TNPO1: variants seen among roughly 807,000 people sequenced by gnomAD.
The protein encoded by TNPO1 is transportin-1.
In TNPO1, 8 loss-of-function variants were observed where a neutral mutation model predicts 119.5. That is an observed-to-expected ratio of 0.07 (90% confidence interval 0.04 to 0.12). The LOEUF (loss-of-function observed/expected upper bound fraction) is 0.12, where lower values mean the gene tolerates loss of function less well. TNPO1 is among the 10% of genes least tolerant of loss of function. TNPO1 has a pLI of 1.00. For synonymous variants in TNPO1, 362 were observed against 363.0 expected, an observed-to-expected ratio of 1.00 and a Z score of 0.03; for missense variants, 576 against 1,089.8, an observed-to-expected ratio of 0.53 and a Z score of 6.64.
intron 1 of TNPO1, 128 bp downstream of exon 1, chr5:72,816,880 G>C: frequency 8.2e-7 from 1 of 1,221,912 alleles, no homozygotes; most frequent in Non-Finnish European, 1.1e-6. Flanking sequence ...CTGCCCGGCC[G>C]TTTGAAGCCG....
rs1256604901 is a variant in TNPO1 at position 72,872,740 on chromosome 5, C to G, written c.678+20C>G. Reference sequence around the variant, plus strand: ...ATTGAGGTAAGACTTGTTCTTGTCTCCCTCCCAACCCCCCAGCTTTTTTTT... The same window carrying G: ...ATTGAGGTAAGACTTGTTCTTGTCTGCCTCCCAACCCCCCAGCTTTTTTTT... On this transcript the variant is annotated intron_variant, in intron 7 of 24. Transcript: ENST00000337273. 4 of 1,541,018 alleles carry G rather than the reference C, an allele frequency of 2.6e-6. No individual in the cohort carries two copies. The East Asian group carries it at 9.1e-5, about 35-fold the overall frequency.
intron 6 of TNPO1, among the ~76,000 whole-genome samples, chr5:72,870,451 C>G (rs771118493): frequency 2.0e-5 from 3 of 151,948 alleles, no homozygotes; most frequent in Non-Finnish European, 4.4e-5. Flanking sequence ...CGTGAGCCAC[C>G]GTGCCCAGCC....
chr5:72,901,187 C>A (rs1007772601), intron 22 of TNPO1, 114 bp downstream of exon 22: 1 of 605,642 alleles, frequency 1.7e-6, no homozygotes, highest in Non-Finnish European at 2.7e-6. Flanking sequence ...TATCAAAATA[C>A]AGTTAAACCT....
At chr5:72,861,154 A>T (rs995664993) in intron 4 of TNPO1, among the ~76,000 whole-genome samples, 2 of 151,712 alleles carry the variant, frequency 1.3e-5, no homozygotes, top group African/African-American at 4.8e-5. Flanking sequence ...CATGTGATCC[A>T]CCCACCTCGG....
intron 12 of TNPO1, among the ~76,000 whole-genome samples, chr5:72,887,508 G>A (rs1748736423): frequency 6.6e-6 from 1 of 152,088 alleles, no homozygotes; most frequent in Non-Finnish European, 1.5e-5. Context: ...TTAACATGGC[G>A]AAACCACGTC....
At position 72,883,078 on chromosome 5, in the gene TNPO1, A is replaced by C. The variant is rs1358772105; in HGVS notation, c.996A>C (p.Glu332Asp). The part of the protein sequence containing the change: ...DIILLKGDVE[E>D]DETIPDSEQD... ...AAAAACAACAGGGTGATGTTGAAGA[A>C]GACGAAACGATTCCTGATAGTGAAC... The change falls in exon 11 of 25, where the codon GAA becomes GAC. Residue 332 changes from glutamate to aspartate, a missense_variant. Physicochemically the swap from Glu to Asp is conservative, Grantham distance 45. This residue lies in a region of TNPO1 where 310 missense variants were observed against 583.0 expected (regional missense o/e 0.53). Coordinates refer to ENST00000337273, the MANE Select transcript of TNPO1 (RefSeq NM_002270.4). 7 of 1,612,506 alleles carry C rather than the reference A, an allele frequency of 4.3e-6. No homozygotes were observed. Among genetic ancestry groups the C allele is most frequent in the Non-Finnish European group, 5.9e-6 (7 of 1,179,584 alleles).
At chr5:72,897,263 T>C in intron 20 of TNPO1, 112 bp downstream of exon 20, 1 of 671,962 alleles carries the variant, frequency 1.5e-6, no homozygotes, top group Non-Finnish European at 2.5e-6. Flanking sequence ...TTATTTTGTA[T>C]TTAATTGCTA....
At chr5:72,899,964 G>T in intron 20 of TNPO1, 42 bp from the exon 21 acceptor site, 1 of 1,547,288 alleles carries the variant, frequency 6.5e-7, no homozygotes, top group Non-Finnish European at 8.9e-7. Context: ...TCATGTCTTG[G>T]TTGGCGTTTG....
chr5:72,840,487 G>A (rs1263556516), intron 1 of TNPO1, among the ~76,000 whole-genome samples: 1 of 152,090 alleles, frequency 6.6e-6, no homozygotes, highest in African/African-American at 2.4e-5. Context: ...ACACAGGTTT[G>A]GTTTTGAATG....
chr5:72,900,010 A>C lies in TNPO1; in HGVS notation c.2343A>C (p.Ile781=), dbSNP rs1749697706. The C allele has an allele frequency of 6.2e-7, 1 of 1,613,742 alleles. No individual in the cohort carries two copies. Among genetic ancestry groups the C allele is most frequent in the South Asian group, 1.1e-5 (1 of 91,068 alleles). ...ACCGTGATTGCGTTACCTTAGCAAT[A>C]ACAATTGGTCGTCTTGGTTACGTTT... The part of the protein sequence containing the change: ...TPKTLLENTA[I]TIGRLGYVCP... The change falls in exon 21 of 25, where the codon ATA becomes ATC. Residue 781 remains isoleucine, a synonymous_variant. Transcript: ENST00000337273.
intron 14 of TNPO1, among the ~76,000 whole-genome samples, chr5:72,890,469 G>A (rs1199229312): frequency 1.3e-5 from 2 of 152,204 alleles, no homozygotes; most frequent in African/African-American, 4.8e-5. Context: ...TTTGTCTAAT[G>A]AGGATTTAAG....
chr5:72,906,947 C>T (rs1750213303), intron 24 of TNPO1, among the ~76,000 whole-genome samples: 1 of 152,136 alleles, frequency 6.6e-6, no homozygotes, highest in Non-Finnish European at 1.5e-5. Flanking sequence ...AGAAGATGTA[C>T]ACCAAGTTGA....
intron 6 of TNPO1, 28 bp downstream of exon 6, chr5:72,865,757 T>G (rs1321782701): frequency 1.9e-6 from 3 of 1,597,220 alleles, no homozygotes; most frequent in Admixed American, 1.8e-5. Context: ...ACTAATTGAT[T>G]AACTGTGATA....
intron 3 of TNPO1, among the ~76,000 whole-genome samples, chr5:72,854,589 A>G (rs959640492): frequency 6.6e-6 from 1 of 152,178 alleles, no homozygotes; most frequent in Non-Finnish European, 1.5e-5. Context: ...CACTTGTGCA[A>G]TGGGGTGAAT....
intron 2 of TNPO1, among the ~76,000 whole-genome samples, chr5:72,850,672 A>C (rs34654): frequency 0.15 from 22,475 of 152,200 alleles, 1,904 homozygotes; most frequent in East Asian, 0.35. Flanking sequence ...CATCTTGGGG[A>C]TGAGGGGAAG....
At chr5:72,869,418 G>A (rs1223254210) in intron 6 of TNPO1, among the ~76,000 whole-genome samples, 1 of 151,908 alleles carries the variant, frequency 6.6e-6, no homozygotes, top group Non-Finnish European at 1.5e-5. Flanking sequence ...ATGGTGGCAT[G>A]CACCTGTAAT....
At chr5:72,870,660 CTG>C (rs1366443226) in intron 6 of TNPO1, among the ~76,000 whole-genome samples, 1 of 152,128 alleles carries the variant, frequency 6.6e-6, no homozygotes, top group Non-Finnish European at 1.5e-5. Flanking sequence ...GCACGTCACA[CTG>C]TTTCTTTTAA....
rs372053371 is a variant in TNPO1, at chr5:72,872,584, A to G, written c.597-55A>G. 5.2e-5 allele frequency: 67 copies of G among 1,285,182 alleles called. 1 individual carries two copies. The highest frequency in any genetic ancestry group is 9.3e-5 in the South Asian group (7 of 75,412). The allele number at this position is 1,285,182 out of a possible 1,614,324, so 79.6% of individuals were successfully genotyped here. ...GGAGGAATGTTTTTACCAATTTTCT[A>G]TAGATAGAACAAAGTTACAATGAGC... On this transcript the variant is annotated intron_variant, in intron 6 of 24. Coordinates refer to ENST00000337273, the MANE Select transcript of TNPO1 (RefSeq NM_002270.4).
At chr5:72,826,330 A>G (rs1744204817) in intron 1 of TNPO1, among the ~76,000 whole-genome samples, 1 of 152,172 alleles carries the variant, frequency 6.6e-6, no homozygotes, top group Non-Finnish European at 1.5e-5. Flanking sequence ...CCTATAAGCA[A>G]AAGAATGGTT....
Sources: gnomAD v4.1 joint callset for allele counts (sites outside exome capture counted in the v4.1 genomes callset) on GRCh38, gnomAD v4.1.1 for gene constraint, gnomAD v4.1.1 regional missense constraint, MANE v1.5 for transcripts, NCBI Gene and HGNC (gene_info 2026-07-23, HGNC 2026-07-21) for gene names.